LRRC7: variants seen among roughly 807,000 people sequenced by gnomAD.
LRRC7 encodes the protein leucine-rich repeat-containing protein 7.
LRRC7 carries 23 observed loss-of-function variants against 175.7 expected under a neutral mutation model. That is an observed-to-expected ratio of 0.13 (90% confidence interval 0.09 to 0.19). The LOEUF (loss-of-function observed/expected upper bound fraction) is 0.19. LRRC7 is among the 10% of genes least tolerant of loss of function. The pLI is 1.00. For synonymous variants in LRRC7, 685 were observed against 680.9 expected (o/e 1.01, Z -0.09); for missense variants, 1,354 against 1,904.7 (o/e 0.71, Z 5.38).
At chr1:69,804,221 G>A (rs1214954709) in intron 4 of LRRC7, among the ~76,000 whole-genome samples, 1 of 151,166 alleles carries the variant, frequency 6.6e-6, no homozygotes, top group East Asian at 1.9e-4. Flanking sequence ...CAAGTATATT[G>A]TTAATTTTTC....
At chr1:69,713,536 C>T (rs1327863401) in intron 2 of LRRC7, among the ~76,000 whole-genome samples, 1 of 151,642 alleles carries the variant, frequency 6.6e-6, no homozygotes, top group Non-Finnish European at 1.5e-5. Flanking sequence ...TTTTTTTTAA[C>T]TATGAGATGT....
At position 70,130,720 on chromosome 1, in the gene LRRC7, GAGA is replaced by G. The variant is rs1666628663; in HGVS notation, c.*8839_*8841del. 6.6e-6 allele frequency among the ~76,000 whole-genome samples: 1 copy of G among 151,978 alleles called. No individual in the cohort carries two copies. The highest frequency in any genetic ancestry group is 2.4e-5 in the African/African-American group (1 of 41,370). ...ATTTGATTGGGTTTCCTTTCTCTTT[GAGA>G]AGAAGTCATGCACATTGTCACTAGA... On this transcript the variant is annotated 3_prime_UTR_variant, in exon 27 of 27. Transcript: ENST00000651989.
At chr1:70,033,645 C>G (rs1659002929) in intron 18 of LRRC7, among the ~76,000 whole-genome samples, 1 of 152,090 alleles carries the variant, frequency 6.6e-6, no homozygotes, top group African/African-American at 2.4e-5. Flanking sequence ...GAAACAGGAT[C>G]AGAAACTTGA....
chr1:69,901,999 T>TA (rs1413907412), intron 7 of LRRC7, among the ~76,000 whole-genome samples: 5 of 152,200 alleles, frequency 3.3e-5, no homozygotes, highest in Admixed American at 6.5e-5. Context: ...ATTTAATATC[T>TA]AAATTGTATG....
At chr1:69,966,972 T>C (rs1651728009) in intron 8 of LRRC7, among the ~76,000 whole-genome samples, 1 of 152,018 alleles carries the variant, frequency 6.6e-6, no homozygotes. Flanking sequence ...CAGGGGAGGG[T>C]GTGAATCTGG....
intron 1 of LRRC7, among the ~76,000 whole-genome samples, chr1:69,648,614 C>A (rs994219501): frequency 6.6e-6 from 1 of 152,178 alleles, no homozygotes; most frequent in Non-Finnish European, 1.5e-5. Context: ...TTGGCTCCTG[C>A]CCAGTAAGCC....
intron 1 of LRRC7, among the ~76,000 whole-genome samples, chr1:69,623,613 C>A (rs1006713355): frequency 6.8e-6 from 1 of 146,558 alleles, no homozygotes; most frequent in Admixed American, 6.9e-5. Context: ...TGCAATGGTA[C>A]GATCTCGGCT....
chr1:69,834,470 T>A lies in LRRC7; in HGVS notation c.501-310T>A, dbSNP rs190638307. On this transcript the variant is annotated intron_variant, in intron 5 of 26. Coordinates refer to ENST00000651989, the MANE Select transcript of LRRC7 (RefSeq NM_001370785.2). ...CAAGCCAAACAACTTGAGATTTCCA[T>A]GAAAAATGTCCTGGCTAGCGTGCAT... is the stretch of plus-strand genomic sequence containing the variant. Among the ~76,000 whole-genome samples, 8 of 152,150 alleles carry A rather than the reference T, an allele frequency of 5.3e-5. No homozygotes were observed. In the South Asian group the frequency reaches 6.2e-4, roughly 12 times the overall value.
intron 1 of LRRC7, among the ~76,000 whole-genome samples, chr1:69,589,988 A>G (rs1646569257): frequency 6.6e-6 from 1 of 152,200 alleles, no homozygotes; most frequent in Non-Finnish European, 1.5e-5. Flanking sequence ...AGCCTGAGCA[A>G]TAGCTTCTTT....
intron 2 of LRRC7, among the ~76,000 whole-genome samples, chr1:69,741,879 C>T (rs1668751601): frequency 6.6e-6 from 1 of 151,984 alleles, no homozygotes; most frequent in Non-Finnish European, 1.5e-5. Flanking sequence ...CAGCAAGATA[C>T]AAACGCAAAT....
At chr1:69,631,892 A>G (rs1652564909) in intron 1 of LRRC7, among the ~76,000 whole-genome samples, 1 of 151,930 alleles carries the variant, frequency 6.6e-6, no homozygotes, top group African/African-American at 2.4e-5. Context: ...CTTAATCTTA[A>G]ATCTGATCAT....
intron 1 of LRRC7, chr1:69,608,061 T>A (rs1233298027): frequency 1.3e-5 from 2 of 152,798 alleles, no homozygotes; most frequent in Non-Finnish European, 2.9e-5. Context: ...TAACGTTCTT[T>A]TCTCATGTTG....
chr1:69,969,007 A>G (rs1342370787), intron 8 of LRRC7, among the ~76,000 whole-genome samples: 1 of 151,746 alleles, frequency 6.6e-6, no homozygotes, highest in Non-Finnish European at 1.5e-5. Context: ...TTTAGTAGAG[A>G]CAGGGTTTCA....
At chr1:69,983,598 A>G (rs890336717) in intron 9 of LRRC7, among the ~76,000 whole-genome samples, 2 of 152,166 alleles carry the variant, frequency 1.3e-5, no homozygotes, top group African/African-American at 2.4e-5. Flanking sequence ...CCTCCATCCA[A>G]TGATCAGTCA....
chr1:69,643,703 C>G (rs528242040), intron 1 of LRRC7, among the ~76,000 whole-genome samples: 1 of 152,204 alleles, frequency 6.6e-6, no homozygotes, highest in African/African-American at 2.4e-5. Flanking sequence ...CTTTACTCAT[C>G]AGGCTGAGGG....
Position 70,011,863 on chromosome 1 carries a change from C to A in LRRC7, c.1071C>A (p.Gly357=). 6.3e-7 allele frequency: 1 copy of A among 1,593,574 alleles called. No homozygotes were observed. The highest frequency in any genetic ancestry group is 8.6e-7 in the Non-Finnish European group (1 of 1,161,932). The change falls in exon 12 of 27, where the codon GGC becomes GGA. Residue 357 remains glycine (G), a synonymous_variant. Coordinates refer to ENST00000651989, the MANE Select transcript of LRRC7 (RefSeq NM_001370785.2). ...NELESLPSTI[G]YLHSLRTLAV... ...TGGAGTCACTACCTTCTACTATTGG[C>A]TACCTTCATAGTCTTCGGACATTAG...
intron 1 of LRRC7, among the ~76,000 whole-genome samples, chr1:69,605,028 C>A (rs1273227805): frequency 6.6e-6 from 1 of 152,106 alleles, no homozygotes; most frequent in Non-Finnish European, 1.5e-5. Context: ...TGTCTTCTCA[C>A]CTTAGTGAGG....
rs1240784396 is a variant in LRRC7, at chr1:69,568,268, GCGCCTCCGCCACCGCCGC to G, written c.-367_-350del. 9.5e-6 allele frequency: 2 copies of G among 210,652 alleles called. No homozygotes were observed. Among genetic ancestry groups the G allele is most frequent in the African/African-American group, 2.4e-5 (1 of 41,748 alleles). 13.0% of individuals were successfully genotyped at this position (210,652 alleles called of 1,614,324 possible). On this transcript the variant is annotated 5_prime_UTR_variant, in exon 1 of 27. Transcript: ENST00000651989. ...GCCTTCTGGGGGCGGGGAGGGAGCT[GCGCCTCCGCCACCGCCGC>G]CGCCGCCGCCGCTGCTGCTGCGGTC... is the stretch of plus-strand genomic sequence containing the variant.
At chr1:69,691,897 A>G (rs1162239054) in intron 2 of LRRC7, among the ~76,000 whole-genome samples, 2 of 151,798 alleles carry the variant, frequency 1.3e-5, no homozygotes, top group African/African-American at 2.4e-5. Flanking sequence ...AAGGCATCCA[A>G]TAGATAACTT....
Sources: gnomAD v4.1 joint callset for allele counts (sites outside exome capture counted in the v4.1 genomes callset) on GRCh38, gnomAD v4.1.1 for gene constraint, MANE v1.5 for transcripts, NCBI Gene and HGNC (gene_info 2026-07-23, HGNC 2026-07-21) for gene names.